The following MED27 variants were observed in gnomAD, a reference collection of about 807,000 sequenced individuals.
MED27 encodes the protein mediator complex subunit 27, also known as mediator of RNA polymerase II transcription subunit 27.
A neutral mutation model predicts 38.2 loss-of-function variants in MED27; 30 were observed. The observed-to-expected ratio is 0.79, with a 90% CI of 0.59 to 1.07. The LOEUF (loss-of-function observed/expected upper bound fraction) is 1.07. MED27 is among the 50% of genes least tolerant of loss of function. The pLI, the probability that MED27 is intolerant of heterozygous loss-of-function variation, is 0.00. For missense variants in MED27, 289 were observed against 397.5 expected (o/e 0.73, Z 2.32); for synonymous variants, 122 against 153.5 (o/e 0.79, Z 1.52).
At chr9:131,876,080 A>G (rs1456011207) in intron 6 of MED27, among the ~76,000 whole-genome samples, 1 of 151,958 alleles carries the variant, frequency 6.6e-6, no homozygotes, top group Non-Finnish European at 1.5e-5. Flanking sequence ...GGGCTTAGAG[A>G]GCGGATGGGT....
At chr9:131,952,186 G>T (rs1175601608) in intron 3 of MED27, among the ~76,000 whole-genome samples, 1 of 152,220 alleles carries the variant, frequency 6.6e-6, no homozygotes, top group Admixed American at 6.5e-5. Context: ...GGCACTGGCC[G>T]GAGACTCAGA....
intron 5 of MED27, among the ~76,000 whole-genome samples, chr9:131,887,686 A>G (rs1298559501): frequency 6.6e-6 from 1 of 152,242 alleles, no homozygotes; most frequent in African/African-American, 2.4e-5. Context: ...ATATTCAAAA[A>G]AGGAGCATTC....
At position 131,883,712 on chromosome 9, in the gene MED27, G is replaced by T. The variant is rs900908599; in HGVS notation, c.723+346C>A. The stretch of plus-strand genomic sequence containing the variant: ...CTAAGGTATAATTTACATACAATAT[G>T]ACTGCCCCTTTGTAGTAATATAGTC... On this transcript the variant is annotated intron_variant, in intron 6 of 7. Coordinates refer to ENST00000292035, the MANE Select transcript of MED27 (RefSeq NM_004269.4). This position sits in a 1 kb window ranked among gnomAD's most constrained non-coding sequence, Gnocchi z 4.2. Among the ~76,000 whole-genome samples, 2 of 152,142 alleles carry T rather than the reference G, an allele frequency of 1.3e-5. No individual in the cohort carries two copies. Among genetic ancestry groups the T allele is most frequent in the African/African-American group, 4.8e-5 (2 of 41,422 alleles).
In MED27 at chr9:132,014,471, C is replaced by T. The variant is rs370261258; in HGVS notation, c.349-4G>A. The T allele has an allele frequency of 3.7e-6, 6 of 1,608,758 alleles. No individual in the cohort carries two copies. Among genetic ancestry groups the T allele is most frequent in the Non-Finnish European group, 4.2e-6 (5 of 1,178,132 alleles). ...CTAGTCCTGCATGGTACTGCAACTG[C>T]AGAGAAAAACAAAACAAAAGGGGAA... On this transcript the variant is annotated splice_polypyrimidine_tract_variant and splice_region_variant and intron_variant, in intron 2 of 7. Transcript: ENST00000292035.
chr9:131,901,719 A>G (rs1021584227), intron 4 of MED27, among the ~76,000 whole-genome samples: 3 of 152,146 alleles, frequency 2.0e-5, no homozygotes, highest in African/African-American at 7.2e-5. Context: ...GGTCTGTAAA[A>G]GCTCATCAGT....
chr9:132,062,398 T>G (rs1185227706), intron 2 of MED27, among the ~76,000 whole-genome samples: 1 of 152,034 alleles, frequency 6.6e-6, no homozygotes, highest in Non-Finnish European at 1.5e-5. Context: ...GTAACAAATA[T>G]AGAAAAATGA....
At chr9:132,002,919 AAAAAAAAAAG>A (rs1455083360) in intron 3 of MED27, among the ~76,000 whole-genome samples, 3 of 47,052 alleles carry the variant, frequency 6.4e-5, no homozygotes, top group Non-Finnish European at 2.1e-4. Flanking sequence ...ACTCTGTCTC[AAAAAAAAAAG>A]AAAAAAGAAA....
At chr9:131,894,344 G>T (rs1313776603) in intron 4 of MED27, among the ~76,000 whole-genome samples, 1 of 152,060 alleles carries the variant, frequency 6.6e-6, no homozygotes, top group East Asian at 1.9e-4. Context: ...TACAATTCTG[G>T]CAATTATAGG....
intron 2 of MED27, among the ~76,000 whole-genome samples, chr9:132,016,451 C>A (rs1049488916): frequency 3.9e-5 from 6 of 152,220 alleles, no homozygotes; most frequent in African/African-American, 1.4e-4. Context: ...TTGGCTCTAA[C>A]AACTCATCTT....
chr9:132,000,591 C>A (rs985927023), intron 3 of MED27, among the ~76,000 whole-genome samples: 1 of 152,046 alleles, frequency 6.6e-6, no homozygotes, highest in Admixed American at 6.5e-5. Flanking sequence ...CCAAAACAAC[C>A]CAGTTGTCCA....
At chr9:131,969,377 T>A (rs1369547007) in intron 3 of MED27, among the ~76,000 whole-genome samples, 2 of 152,186 alleles carry the variant, frequency 1.3e-5, no homozygotes, top group Non-Finnish European at 2.9e-5. Context: ...TTGGTGACGG[T>A]TGATTCAGTG....
intron 2 of MED27, among the ~76,000 whole-genome samples, chr9:132,076,923 C>T (rs1834062507): frequency 6.6e-6 from 1 of 152,234 alleles, no homozygotes; most frequent in Non-Finnish European, 1.5e-5. Flanking sequence ...CTCTACAGAG[C>T]ATGTTAAGAA....
chr9:132,003,017 A>G lies in MED27; in HGVS notation c.479+11320T>C, dbSNP rs182826983. Among the ~76,000 whole-genome samples the G allele has an allele frequency of 6.6e-6, 1 of 152,296 alleles. No homozygotes were observed. Among genetic ancestry groups the G allele is most frequent in the East Asian group, 1.9e-4 (1 of 5,190 alleles). On this transcript the variant is annotated intron_variant, in intron 3 of 7. Coordinates refer to ENST00000292035, the MANE Select transcript of MED27 (RefSeq NM_004269.4). This position sits in a 1 kb window ranked among gnomAD's most constrained non-coding sequence, Gnocchi z 4.2. Reference sequence around the variant, plus strand: ...CTGAAACAAAAGAGTTTCACTTACAACCAGCATTAGTTGGGGGACAGCATG... The same window carrying G: ...CTGAAACAAAAGAGTTTCACTTACAGCCAGCATTAGTTGGGGGACAGCATG...
chr9:131,996,458 A>C (rs1310529517), intron 3 of MED27, among the ~76,000 whole-genome samples: 1 of 152,166 alleles, frequency 6.6e-6, no homozygotes, highest in Non-Finnish European at 1.5e-5. Flanking sequence ...CTAACTGCAG[A>C]GGTGGAGGCT....
intron 2 of MED27, among the ~76,000 whole-genome samples, chr9:132,059,256 T>A (rs531625916): frequency 8.5e-5 from 13 of 152,290 alleles, no homozygotes; most frequent in Non-Finnish European, 1.6e-4. Context: ...GTCTGGTATC[T>A]CAGAGAGGGC....
chr9:131,943,779 A>G (rs996628532), intron 3 of MED27, among the ~76,000 whole-genome samples: 6 of 152,328 alleles, frequency 3.9e-5, no homozygotes, highest in Middle Eastern at 6.8e-3. Flanking sequence ...TTTACATTAC[A>G]GAAGGCTTTC....
intron 3 of MED27, among the ~76,000 whole-genome samples, chr9:132,010,897 G>A (rs576286507): frequency 6.6e-6 from 1 of 152,164 alleles, no homozygotes; most frequent in Non-Finnish European, 1.5e-5. Flanking sequence ...TGGGCGAAGG[G>A]GGGAGGGATA....
In MED27 at chr9:131,885,433, C is replaced by T. The variant is rs946874235; in HGVS notation, c.682-1334G>A. Among the ~76,000 whole-genome samples the T allele has an allele frequency of 3.3e-5, 5 of 152,124 alleles. No homozygotes were observed. The East Asian group carries it at 5.8e-4, about 18-fold the overall frequency. The stretch of plus-strand genomic sequence containing the variant: ...TAGAGTATTGAATCAATGGCTGGAG[C>T]GGGCCCAAGAGCCTGTTCCATTGTT... On this transcript the variant is annotated intron_variant, in intron 5 of 7. Coordinates refer to ENST00000292035, the MANE Select transcript of MED27 (RefSeq NM_004269.4).
intron 2 of MED27, among the ~76,000 whole-genome samples, chr9:132,027,728 T>C (rs1416302838): frequency 2.0e-5 from 3 of 152,248 alleles, no homozygotes; most frequent in South Asian, 2.1e-4. Context: ...TTAGTGTGAA[T>C]AGTCATACAT....
Sources: gnomAD v4.1 joint callset for allele counts (sites outside exome capture counted in the v4.1 genomes callset) on GRCh38, gnomAD v4.1.1 for gene constraint, Gnocchi (gnomAD v3.1) non-coding constraint, MANE v1.5 for transcripts, NCBI Gene and HGNC (gene_info 2026-07-23, HGNC 2026-07-21) for gene names.